The following C1QTNF6 variants were observed in gnomAD, a reference collection of about 807,000 sequenced individuals.
C1QTNF6 encodes complement C1q tumor necrosis factor-related protein 6.
In C1QTNF6, 17 loss-of-function variants were observed where a neutral mutation model predicts 20.7. The ratio of observed to expected loss-of-function variants is 0.82; its 90% CI spans 0.56 to 1.23. The LOEUF (loss-of-function observed/expected upper bound fraction) is 1.23, where lower values mean the gene tolerates loss of function less well. C1QTNF6 is among the 50% of genes most tolerant of loss of function. The probability of loss-of-function intolerance (pLI) is 0.00; values close to 1 mark genes in which losing one functional copy is unlikely to be tolerated. For synonymous variants in C1QTNF6, 130 were observed against 156.3 expected (o/e 0.83, Z 1.25); for missense variants, 329 against 389.7 (o/e 0.84, Z 1.31).
upstream of C1QTNF6, chr22:37,188,308 GGAGA>G: frequency 5.8e-6 from 7 of 1,200,946 alleles, no homozygotes; most frequent in African/African-American, 3.1e-5. Context: ...GGGGATGGAG[GGAGA>G]GAGGGCGGAG....
At chr22:37,187,728 T>C (rs777902127) in intron 1 of C1QTNF6, among the ~76,000 whole-genome samples, 58 of 152,204 alleles carry the variant, frequency 3.8e-4, no homozygotes, top group Non-Finnish European at 6.8e-4. Context: ...CACAGAACCG[T>C]GGCCTGGGAG....
Position 37,180,929 on chromosome 22 carries a change from C to T in C1QTNF6, c.*1259G>A, listed in dbSNP as rs1173765340. ...GGGGGCCACTTCACCCCCCAAATGC[C>T]CCCACACTCCTGGGTCCTCTCCTCA... On this transcript the variant is annotated 3_prime_UTR_variant, in exon 3 of 3. Transcript: ENST00000337843. 1 of 152,452 alleles carries T rather than the reference C, an allele frequency of 6.6e-6. No individual in the cohort carries two copies. Among genetic ancestry groups the T allele is most frequent in the Non-Finnish European group, 1.5e-5 (1 of 68,246 alleles). 9.4% of individuals were successfully genotyped at this position (152,452 alleles called of 1,614,324 possible). A position where few individuals can be genotyped will look rare whatever the true frequency, so the allele number is the denominator to read the frequency against.
chr22:37,199,036 A>G (rs1925328596), upstream of C1QTNF6, among the ~76,000 whole-genome samples: 1 of 152,240 alleles, frequency 6.6e-6, no homozygotes, highest in Non-Finnish European at 1.5e-5. Context: ...GCTCCGCGCC[A>G]GGCCCTCTGC....
chr22:37,183,893 G>T (rs891559752), intron 2 of C1QTNF6, among the ~76,000 whole-genome samples: 1 of 152,160 alleles, frequency 6.6e-6, no homozygotes, highest in Non-Finnish European at 1.5e-5. Flanking sequence ...AGCTCAGGGC[G>T]GGGGAGAGAC....
chr22:37,196,585 G>A (rs1925147381), intron 1 of C1QTNF6: 1 of 152,284 alleles, frequency 6.6e-6, no homozygotes, highest in African/African-American at 2.4e-5. Context: ...TCAGGCAGCT[G>A]AAGTGACTTG....
At chr22:37,188,318 CGGAG>C, upstream of C1QTNF6, 1 of 596,216 alleles carries the variant, frequency 1.7e-6, no homozygotes, top group East Asian at 9.1e-5. Context: ...GGAGAGAGGG[CGGAG>C]GGAGGGCGGA....
At position 37,185,399 on chromosome 22, in the gene C1QTNF6, G is replaced by A. The variant is rs747553905; in HGVS notation, c.108C>T (p.Leu36=). 5 of 1,613,252 alleles carry A rather than the reference G, an allele frequency of 3.1e-6. No individual in the cohort carries two copies. In the Admixed American group the frequency reaches 8.3e-5, roughly 27 times the overall value. ...CCACCATAGGGATCTCACACATCAG[G>A]AGAAAGAGCAGGAGCGCTGCCCAGA... is the stretch of plus-strand genomic sequence containing the variant. ...GPVWAALLLF[L]LMCEIPMVEL... The change falls in exon 2 of 3, where the codon CTC becomes CTT. Residue 36 remains leucine (L), a synonymous_variant. Transcript: ENST00000337843.
At chr22:37,192,073 T>G (rs1174607304), upstream of C1QTNF6, among the ~76,000 whole-genome samples, 1 of 152,218 alleles carries the variant, frequency 6.6e-6, no homozygotes, top group Non-Finnish European at 1.5e-5. Context: ...AGAATTTCTT[T>G]TACAAGATTA....
chr22:37,182,136 G>A lies in C1QTNF6; in HGVS notation c.*52C>T. ...CAGCAGTGCAAACTGAGCCCTGCAG[G>A]GGACGGGACCAGCACCTGAGCTCTC... On this transcript the variant is annotated 3_prime_UTR_variant, in exon 3 of 3. Transcript: ENST00000337843. The A allele has an allele frequency of 6.5e-7, 1 of 1,548,440 alleles. No homozygotes were observed. The highest frequency in any genetic ancestry group is 8.7e-7 in the Non-Finnish European group (1 of 1,144,958).
intron 2 of C1QTNF6, among the ~76,000 whole-genome samples, chr22:37,194,567 A>G (rs965670111): frequency 6.6e-6 from 1 of 152,218 alleles, no homozygotes; most frequent in Admixed American, 6.5e-5. Context: ...GGGGGCCAAG[A>G]CACGTTACAA....
intron 2 of C1QTNF6, among the ~76,000 whole-genome samples, chr22:37,194,373 G>A (rs186882224): frequency 6.0e-4 from 92 of 152,238 alleles, no homozygotes; most frequent in Middle Eastern, 3.4e-3. Flanking sequence ...ATTCTTTTTC[G>A]TATTAATCAA....
chr22:37,193,110 G>A (rs1390666829), upstream of C1QTNF6, among the ~76,000 whole-genome samples: 7 of 152,232 alleles, frequency 4.6e-5, no homozygotes, highest in South Asian at 2.1e-4. Context: ...CCAAAGGTGC[G>A]AAGAGCCAAG....
intron 2 of C1QTNF6, among the ~76,000 whole-genome samples, chr22:37,183,479 G>A (rs1601626545): frequency 2.0e-5 from 3 of 152,366 alleles, no homozygotes; most frequent in East Asian, 1.9e-4. Flanking sequence ...GCACAGCCCT[G>A]CCCGGCCCTT....
intron 2 of C1QTNF6, among the ~76,000 whole-genome samples, chr22:37,193,365 A>G (rs1244771114): frequency 6.6e-6 from 1 of 151,910 alleles, no homozygotes; most frequent in African/African-American, 2.4e-5. Context: ...GGTCTGTAGC[A>G]CCTCCTTTTT....
In C1QTNF6 at chr22:37,182,054, A is replaced by G; in HGVS notation, c.*134T>C. On this transcript the variant is annotated 3_prime_UTR_variant, in exon 3 of 3. Coordinates refer to ENST00000337843, the MANE Select transcript of C1QTNF6 (RefSeq NM_031910.4). ...GAGGGATGATGGCAGCCAAGATAGA[A>G]GCAGGGTCTCCCCAGAATGCCAGGT... The G allele has an allele frequency of 1.1e-6, 1 of 944,052 alleles. No homozygotes were observed. Among genetic ancestry groups the G allele is most frequent in the Non-Finnish European group, 1.5e-6 (1 of 649,950 alleles). The allele number at this position is 944,052 out of a possible 1,614,324, so 58.5% of individuals were successfully genotyped here.
At chr22:37,191,688 T>C (rs1165525242), upstream of C1QTNF6, 2 of 152,186 alleles carry the variant, frequency 1.3e-5, no homozygotes, top group Non-Finnish European at 2.9e-5. Flanking sequence ...AGGGAAGACT[T>C]AGCTTTCCAA....
chr22:37,192,684 G>T (rs1569070345), upstream of C1QTNF6, among the ~76,000 whole-genome samples: 2 of 152,146 alleles, frequency 1.3e-5, no homozygotes, highest in Non-Finnish European at 2.9e-5. Context: ...AGGCATTAAT[G>T]TTTCTATTTT....
rs1217513381 is a variant in C1QTNF6, at chr22:37,185,280, G to T, written c.227C>A (p.Ser76Tyr). 2 of 1,610,516 alleles carry T rather than the reference G, an allele frequency of 1.2e-6. No individual in the cohort carries two copies. Among genetic ancestry groups the T allele is most frequent in the Non-Finnish European group, 1.7e-6 (2 of 1,177,748 alleles). ...AGGCAGGGCGTGGGGGCGGCCGGAG[G>T]AAGAGGCTGAGGATACATGGGCAGG... Reference protein sequence around the residue: ...LDPAHVSSASSSGRPHALPEI... With the variant: ...LDPAHVSSASYSGRPHALPEI... Residue 76 changes from serine to tyrosine, a missense_variant, in exon 2 of 3, where the codon TCC becomes TAC. Coordinates refer to ENST00000337843, the MANE Select transcript of C1QTNF6 (RefSeq NM_031910.4).
intron 1 of C1QTNF6, among the ~76,000 whole-genome samples, chr22:37,187,180 G>A (rs2145770781): frequency 6.6e-6 from 1 of 152,276 alleles, no homozygotes; most frequent in African/African-American, 2.4e-5. Flanking sequence ...CCTCTTCCTG[G>A]AGGTGACTCT....
Sources: allele counts gnomAD v4.1 joint callset (sites outside exome capture counted in the v4.1 genomes callset), GRCh38; gene constraint gnomAD v4.1.1; transcripts MANE v1.5; gene names NCBI Gene and HGNC (gene_info 2026-07-23, HGNC 2026-07-21).